CFDP1: variants seen among roughly 807,000 people sequenced by gnomAD.
CFDP1 encodes heterochromatin-stabilizing protein CFDP1.
CFDP1 carries 31 observed loss-of-function variants against 40.1 expected under a neutral mutation model. The ratio of observed to expected loss-of-function variants is 0.77; its 90% CI spans 0.58 to 1.04. The LOEUF is 1.04. CFDP1 is among the 50% of genes least tolerant of loss of function. The pLI is 0.00. For synonymous variants in CFDP1, 167 were observed against 120.0 expected, an observed-to-expected ratio of 1.39 and a Z score of -2.56; for missense variants, 423 against 343.4, an observed-to-expected ratio of 1.23 and a Z score of -1.83.
intron 4 of CFDP1, among the ~76,000 whole-genome samples, chr16:75,401,240 AAT>A (rs1319792351): frequency 3.7e-4 from 56 of 152,204 alleles, no homozygotes; most frequent in African/African-American, 1.3e-3. Context: ...CATGCTGGCT[AAT>A]ACAGTGAAAC....
chr16:75,309,929 G>A (rs2078285398), intron 5 of CFDP1, among the ~76,000 whole-genome samples: 1 of 150,950 alleles, frequency 6.6e-6, no homozygotes, highest in Admixed American at 6.6e-5. Flanking sequence ...CAGAAAGTCT[G>A]CTTTAACAGA....
intron 4 of CFDP1, among the ~76,000 whole-genome samples, chr16:75,396,904 T>C (rs1182641195): frequency 6.6e-6 from 1 of 151,954 alleles, no homozygotes; most frequent in Middle Eastern, 3.2e-3. Context: ...TTTTTTCTTG[T>C]TTTTTGTTTG....
chr16:75,328,599 TAAAAA>T (rs534769130), intron 5 of CFDP1, among the ~76,000 whole-genome samples: 2 of 63,926 alleles, frequency 3.1e-5, no homozygotes, highest in African/African-American at 6.7e-5. Flanking sequence ...AACTCTGTCT[TAAAAA>T]AAAAAAAAAA....
intron 1 of CFDP1, among the ~76,000 whole-genome samples, chr16:75,428,381 C>T (rs976661196): frequency 3.3e-5 from 5 of 151,906 alleles, no homozygotes; most frequent in African/African-American, 9.7e-5. Flanking sequence ...TTTGGGAGGC[C>T]GAAGCAAGTG....
At chr16:75,422,765 G>C (rs1036741748) in intron 1 of CFDP1, among the ~76,000 whole-genome samples, 1 of 151,522 alleles carries the variant, frequency 6.6e-6, no homozygotes, top group African/African-American at 2.4e-5. Context: ...AGGATCGCTT[G>C]AGGCCAGGAG....
At chr16:75,367,650 G>A (rs541825432) in intron 5 of CFDP1, among the ~76,000 whole-genome samples, 68 of 151,738 alleles carry the variant, frequency 4.5e-4, no homozygotes, top group African/African-American at 1.4e-3. Context: ...AAAATTAGCC[G>A]GTCGTGGTGG....
chr16:75,366,173 G>C (rs2078712358), intron 5 of CFDP1, among the ~76,000 whole-genome samples: 1 of 152,152 alleles, frequency 6.6e-6, no homozygotes, highest in Non-Finnish European at 1.5e-5. Flanking sequence ...ATGTGGTATA[G>C]CTATAAAGTA....
rs1567636691 is a variant in CFDP1 at position 75,294,037 on chromosome 16, A to C, written c.815T>G (p.Ile272Ser). Reference protein sequence around the residue: ...AIHNRGKEGYIERKAFLDRVD... With the variant: ...AIHNRGKEGYSERKAFLDRVD... The stretch of plus-strand genomic sequence containing the variant: ...TCGGTCAAGGAAGGCTTTCCGTTCA[A>C]TGTACCTAGAAGATGAAAACAGTGT... The change falls in exon 7 of 7, where the codon ATT (isoleucine) becomes AGT (serine). Residue 272 changes from isoleucine to serine, a missense_variant. Ile to Ser is a moderately radical substitution (Grantham distance 142). Transcript: ENST00000283882. 1.2e-6 allele frequency: 2 copies of C among 1,612,434 alleles called. No individual in the cohort carries two copies. Among genetic ancestry groups the C allele is most frequent in the Non-Finnish European group, 1.7e-6 (2 of 1,178,474 alleles).
chr16:75,381,232 CATGGGAGGAAT>C (rs1456000541), intron 5 of CFDP1: 1 of 152,086 alleles, frequency 6.6e-6, no homozygotes, highest in African/African-American at 2.4e-5. Context: ...CAGAGGCCAA[CATGGGAGGAAT>C]GCCTGAAGGC....
At chr16:75,344,392 A>G (rs1477717011) in intron 5 of CFDP1, among the ~76,000 whole-genome samples, 1 of 152,234 alleles carries the variant, frequency 6.6e-6, no homozygotes, top group East Asian at 1.9e-4. Flanking sequence ...CAGGTGTCAA[A>G]TCACTTTAAT....
At chr16:75,401,014 A>G (rs1230724481) in intron 4 of CFDP1, among the ~76,000 whole-genome samples, 1 of 152,218 alleles carries the variant, frequency 6.6e-6, no homozygotes, top group Non-Finnish European at 1.5e-5. Context: ...AAAAGCATCC[A>G]GCTTGACACA....
intron 5 of CFDP1, among the ~76,000 whole-genome samples, chr16:75,344,284 C>T (rs932363512): frequency 6.6e-6 from 1 of 152,286 alleles, no homozygotes; most frequent in South Asian, 2.1e-4. Flanking sequence ...GATGGCTACA[C>T]AACACTGTGT....
At chr16:75,432,716 G>A (rs1007212274) in intron 1 of CFDP1, among the ~76,000 whole-genome samples, 1 of 152,192 alleles carries the variant, frequency 6.6e-6, no homozygotes, top group African/African-American at 2.4e-5. Flanking sequence ...CAAGAAGGGG[G>A]AACAGAAAGA....
intron 5 of CFDP1, among the ~76,000 whole-genome samples, chr16:75,382,273 A>G (rs1237507174): frequency 6.6e-6 from 1 of 152,238 alleles, no homozygotes; most frequent in Non-Finnish European, 1.5e-5. Context: ...TTGATAAAAT[A>G]TAAGGAAAAT....
At chr16:75,363,045 T>C (rs940269483) in intron 5 of CFDP1, 2 of 152,122 alleles carry the variant, frequency 1.3e-5, no homozygotes, top group African/African-American at 4.8e-5. Flanking sequence ...ACTGAAAGAA[T>C]CACCACCAGG....
intron 5 of CFDP1, among the ~76,000 whole-genome samples, chr16:75,382,738 A>T (rs997558620): frequency 4.6e-5 from 7 of 152,352 alleles, no homozygotes; most frequent in African/African-American, 1.7e-4. Context: ...GACCAAGATC[A>T]AGAGCATTTT....
At chr16:75,328,018 C>A (rs551319656) in intron 5 of CFDP1, among the ~76,000 whole-genome samples, 1 of 151,124 alleles carries the variant, frequency 6.6e-6, no homozygotes, top group Non-Finnish European at 1.5e-5. Flanking sequence ...GCGTATGCCA[C>A]AGCACCCGGC....
chr16:75,355,672 C>A (rs576454524), intron 5 of CFDP1, among the ~76,000 whole-genome samples: 81 of 152,226 alleles, frequency 5.3e-4, no homozygotes, highest in African/African-American at 1.9e-3. Flanking sequence ...GTAACTGAAT[C>A]ATGGGGGCAG....
At chr16:75,413,603 GACTT>G (rs1314769129) in intron 2 of CFDP1, among the ~76,000 whole-genome samples, 5 of 148,094 alleles carry the variant, frequency 3.4e-5, no homozygotes, top group Non-Finnish European at 6.0e-5. Flanking sequence ...CTGGGCCCAA[GACTT>G]ATAAGAGTAT....
Sources: allele counts gnomAD v4.1 joint callset (sites outside exome capture counted in the v4.1 genomes callset), GRCh38; gene constraint gnomAD v4.1.1; transcripts MANE v1.5; gene names NCBI Gene and HGNC (gene_info 2026-07-23, HGNC 2026-07-21).